LMBRD1: variants seen among roughly 807,000 people sequenced by gnomAD.
The protein encoded by LMBRD1 is lysosomal cobalamin transport escort protein LMBD1.
LMBRD1 carries 64 observed loss-of-function variants against 74.8 expected under a neutral mutation model. The ratio of observed to expected loss-of-function variants is 0.86; its 90% CI spans 0.70 to 1.05. The LOEUF is 1.05. Among genes scored for constraint, LMBRD1 ranks in the 50% least tolerant of loss-of-function variants. The probability of loss-of-function intolerance (pLI) is 0.00; values close to 1 mark genes in which losing one functional copy is unlikely to be tolerated. For missense variants in LMBRD1, 652 were observed against 645.9 expected, an observed-to-expected ratio of 1.01 and a Z score of -0.10; for synonymous variants, 204 against 216.3, an observed-to-expected ratio of 0.94 and a Z score of 0.50.
intron 7 of LMBRD1, among the ~76,000 whole-genome samples, chr6:69,734,522 A>G (rs1766932661): frequency 6.6e-6 from 1 of 151,862 alleles, no homozygotes; most frequent in Admixed American, 6.6e-5. Flanking sequence ...CAGTCTCCCG[A>G]GTACCTGCGA....
chr6:69,715,226 C>T (rs973884937), intron 8 of LMBRD1, among the ~76,000 whole-genome samples: 1 of 152,012 alleles, frequency 6.6e-6, no homozygotes, highest in Non-Finnish European at 1.5e-5. Context: ...ACAATTTCCC[C>T]TAAAATTTCC....
rs940387392 is a variant in LMBRD1 at position 69,704,789 on chromosome 6, G to A, written c.916-2836C>T. ...AAATGCAGAATCTGCAGATATAGAG[G>A]GACTGTTGTAATTCATCTGTTTTTC... On this transcript the variant is annotated intron_variant, in intron 9 of 15. Coordinates refer to ENST00000649934, the MANE Select transcript of LMBRD1 (RefSeq NM_018368.4). 5.3e-5 allele frequency among the ~76,000 whole-genome samples: 8 copies of A among 152,058 alleles called. No individual in the cohort carries two copies. In the South Asian group the frequency reaches 1.2e-3, roughly 24 times the overall value.
chr6:69,694,684 T>C (rs1218935364), intron 14 of LMBRD1, among the ~76,000 whole-genome samples: 1 of 152,158 alleles, frequency 6.6e-6, no homozygotes, highest in Non-Finnish European at 1.5e-5. Context: ...TGTCCTTTGC[T>C]TTCCATCCTT....
At chr6:69,790,726 T>C in intron 1 of LMBRD1, 1 of 469,830 alleles carries the variant, frequency 2.1e-6, no homozygotes, top group Non-Finnish European at 3.9e-6. Flanking sequence ...TATTTCCTCA[T>C]TAAACACAGT....
intron 7 of LMBRD1, among the ~76,000 whole-genome samples, chr6:69,719,887 A>C (rs1306878796): frequency 2.6e-5 from 4 of 152,156 alleles, no homozygotes; most frequent in Non-Finnish European, 5.9e-5. Context: ...GCCCCCTGTT[A>C]GATGGGCCAT....
Position 69,675,417 on chromosome 6 carries a change from A to C in LMBRD1, c.*741T>G, listed in dbSNP as rs574185948. On this transcript the variant is annotated 3_prime_UTR_variant, in exon 16 of 16. Transcript: ENST00000649934. Reference sequence around the variant, plus strand: ...ACCAAAATATGATGCCATATATCTTAAATTAATCCATAAACTGATTTTTTT... The same window carrying C: ...ACCAAAATATGATGCCATATATCTTCAATTAATCCATAAACTGATTTTTTT... Among the ~76,000 whole-genome samples, 1 of 150,332 alleles carries C rather than the reference A, an allele frequency of 6.7e-6. No homozygotes were observed. The highest frequency in any genetic ancestry group is 2.5e-5 in the African/African-American group (1 of 39,686).
intron 7 of LMBRD1, among the ~76,000 whole-genome samples, chr6:69,722,994 T>C (rs1351724956): frequency 6.6e-6 from 1 of 152,102 alleles, no homozygotes; most frequent in Non-Finnish European, 1.5e-5. Context: ...AGATATTCCA[T>C]GCCAATGGCA....
chr6:69,708,449 A>T (rs1022452420), intron 9 of LMBRD1, among the ~76,000 whole-genome samples: 1 of 152,200 alleles, frequency 6.6e-6, no homozygotes, highest in African/African-American at 2.4e-5. Flanking sequence ...ACAACAAAAT[A>T]AAGTAAGTAT....
At chr6:69,688,403 T>TG (rs1008216854) in intron 14 of LMBRD1, among the ~76,000 whole-genome samples, 1 of 141,424 alleles carries the variant, frequency 7.1e-6, no homozygotes, top group Non-Finnish European at 1.5e-5. Context: ...AGGGCAGAGA[T>TG]TTTTTTTTTT....
intron 3 of LMBRD1, among the ~76,000 whole-genome samples, chr6:69,753,970 T>C (rs1340000342): frequency 6.6e-6 from 1 of 151,488 alleles, no homozygotes; most frequent in Non-Finnish European, 1.5e-5. Flanking sequence ...AAATGATATA[T>C]GGCTATATGC....
At chr6:69,689,408 G>A (rs1562084562) in intron 14 of LMBRD1, among the ~76,000 whole-genome samples, 2 of 152,094 alleles carry the variant, frequency 1.3e-5, no homozygotes, top group Non-Finnish European at 2.9e-5. Flanking sequence ...AGAACAAGAA[G>A]AGGAAAGACA....
intron 3 of LMBRD1, among the ~76,000 whole-genome samples, chr6:69,778,074 CTAA>C: frequency 6.6e-6 from 1 of 152,338 alleles, no homozygotes; most frequent in Non-Finnish European, 1.5e-5. Flanking sequence ...ATGGAGATGA[CTAA>C]TATTATACCA....
At chr6:69,751,293 T>C (rs762118457) in intron 4 of LMBRD1, among the ~76,000 whole-genome samples, 3 of 152,150 alleles carry the variant, frequency 2.0e-5, no homozygotes, top group East Asian at 1.9e-4. Flanking sequence ...AACATGGATG[T>C]GTGCTGTATT....
At chr6:69,763,775 A>G (rs1233884683) in intron 3 of LMBRD1, among the ~76,000 whole-genome samples, 17 of 152,184 alleles carry the variant, frequency 1.1e-4, no homozygotes, top group Admixed American at 1.1e-3. Context: ...CAAACCAAAG[A>G]AGACTGTTTT....
chr6:69,784,428 TA>T (rs1177588500), intron 2 of LMBRD1, among the ~76,000 whole-genome samples: 1 of 152,170 alleles, frequency 6.6e-6, no homozygotes, highest in Admixed American at 6.5e-5. Flanking sequence ...AACTTCACCA[TA>T]AAAATGGTGG....
At chr6:69,710,662 T>C (rs1766363078) in intron 9 of LMBRD1, among the ~76,000 whole-genome samples, 1 of 152,042 alleles carries the variant, frequency 6.6e-6, no homozygotes, top group South Asian at 2.1e-4. Flanking sequence ...ATTTAGAAAA[T>C]GGCCAAGAGA....
intron 7 of LMBRD1, among the ~76,000 whole-genome samples, chr6:69,733,279 C>T (rs1256449416): frequency 6.6e-6 from 1 of 152,066 alleles, no homozygotes; most frequent in Non-Finnish European, 1.5e-5. Flanking sequence ...TATTCTAGTC[C>T]TCATGCATAT....
intron 2 of LMBRD1, among the ~76,000 whole-genome samples, chr6:69,789,240 T>C (rs1212897287): frequency 6.6e-6 from 1 of 152,200 alleles, no homozygotes; most frequent in Non-Finnish European, 1.5e-5. Context: ...TTACCCCATT[T>C]GGACCAGGGA....
chr6:69,686,060 G>A lies in LMBRD1; in HGVS notation c.1418-9519C>T, dbSNP rs371328825. On this transcript the variant is annotated intron_variant, in intron 14 of 15. Coordinates refer to ENST00000649934, the MANE Select transcript of LMBRD1 (RefSeq NM_018368.4). ...AGCTCTTAGTAACTGATTAGGTGTG[G>A]AGAAGAAGCGAATAACTACTTTGAA... is the stretch of plus-strand genomic sequence containing the variant. Among the ~76,000 whole-genome samples, 20 of 152,094 alleles carry A rather than the reference G, an allele frequency of 1.3e-4. 1 individual carries two copies. In the East Asian group the frequency reaches 1.7e-3, roughly 13 times the overall value.
Sources: allele counts gnomAD v4.1 joint callset (sites outside exome capture counted in the v4.1 genomes callset), GRCh38; gene constraint gnomAD v4.1.1; transcripts MANE v1.5; gene names NCBI Gene and HGNC (gene_info 2026-07-23, HGNC 2026-07-21).